SMYD2: variants seen among roughly 807,000 people sequenced by gnomAD.
SMYD2 encodes the protein N-lysine methyltransferase SMYD2.
Under a neutral mutation model 59.1 loss-of-function variants are expected in SMYD2, and 53 were observed. The observed-to-expected ratio is 0.90, with a 90% CI of 0.72 to 1.13. The LOEUF is 1.13. SMYD2 is among the 50% of genes most tolerant of loss of function. The pLI is 0.00. For synonymous variants in SMYD2, 208 were observed against 198.8 expected (o/e 1.05, Z -0.39); for missense variants, 494 against 544.7 (o/e 0.91, Z 0.93).
Position 214,306,739 on chromosome 1 carries a change from A to G in SMYD2, c.237+1489A>G, listed in dbSNP as rs548057603. Among the ~76,000 whole-genome samples, 10 of 152,348 alleles carry G rather than the reference A, an allele frequency of 6.6e-5. No homozygotes were observed. The South Asian group carries it at 2.1e-3, about 32-fold the overall frequency. On this transcript the variant is annotated intron_variant, in intron 2 of 11. Transcript: ENST00000366957. ...TTCTATATGTAAGTTAAACACTTCT[A>G]GAAAAATTAACTCATTCCGTTCTGT...
chr1:214,296,507 T>C (rs1260495437), intron 1 of SMYD2, among the ~76,000 whole-genome samples: 4 of 152,194 alleles, frequency 2.6e-5, no homozygotes, highest in Non-Finnish European at 5.9e-5. Context: ...TGAGTGAGAC[T>C]GTGCTGATGG....
rs1657054493 is a variant in SMYD2, at chr1:214,314,798, C to G, written c.274C>G (p.Pro92Ala). Residue 92 changes from proline to alanine, a missense_variant, in exon 3 of 12, where the codon CCC (proline) becomes GCC (alanine). By Grantham distance (27) the Pro-to-Ala change is conservative. Coordinates refer to ENST00000366957, the MANE Select transcript of SMYD2 (RefSeq NM_020197.3). ...GCCCATGCACAAGCTGGAATGTTCTCCCATGGTTGTTTTTGGGGAAAACTG... is the reference window on the plus strand; with the variant it reads ...GCCCATGCACAAGCTGGAATGTTCTGCCATGGTTGTTTTTGGGGAAAACTG... ...DWPMHKLECS[P>A]MVVFGENWNP... 6.2e-7 allele frequency: 1 copy of G among 1,614,148 alleles called. No individual in the cohort carries two copies. Among genetic ancestry groups the G allele is most frequent in the African/African-American group, 1.3e-5 (1 of 75,052 alleles).
intron 9 of SMYD2, chr1:214,331,517 T>G: frequency 5.5e-6 from 1 of 182,886 alleles, no homozygotes; most frequent in Non-Finnish European, 1.2e-5. Context: ...GGTGATAGGA[T>G]CTAGGATTTT....
chr1:214,332,016 AC>A lies in SMYD2; in HGVS notation c.941del. 6.2e-7 allele frequency: 1 copy of A among 1,611,434 alleles called. No homozygotes were observed. Among genetic ancestry groups the A allele is most frequent in the South Asian group, 1.1e-5 (1 of 90,720 alleles). On this transcript the variant is annotated splice_acceptor_variant, in intron 9 of 11. Coordinates refer to ENST00000366957, the MANE Select transcript of SMYD2 (RefSeq NM_020197.3). LOFTEE classifies it high-confidence loss of function. ...GTGGCCCTTTCCTTGACTCCACAGC[AC>A]CCCCTAGTGAGCTGCTGGAGATCTG...
intron 7 of SMYD2, among the ~76,000 whole-genome samples, chr1:214,328,765 CCCTTCTA>C (rs1377092023): frequency 6.6e-6 from 1 of 152,202 alleles, no homozygotes; most frequent in Non-Finnish European, 1.5e-5. Context: ...GGCAGGTTGG[CCCTTCTA>C]CCTTCAGCTA....
intron 11 of SMYD2, among the ~76,000 whole-genome samples, chr1:214,336,393 A>ATGGTGG (rs1657437963): frequency 2.6e-5 from 4 of 152,314 alleles, no homozygotes; most frequent in South Asian, 4.1e-4. Flanking sequence ...TTAGCCAGGC[A>ATGGTGG]TGGTGGTGGG....
intron 2 of SMYD2, among the ~76,000 whole-genome samples, chr1:214,310,907 TCTTC>T (rs1483834881): frequency 6.6e-6 from 1 of 152,198 alleles, no homozygotes; most frequent in African/African-American, 2.4e-5. Context: ...TACTATCACA[TCTTC>T]CTTTTTTAAG....
chr1:214,314,751 A>G lies in SMYD2; in HGVS notation c.238-11A>G, dbSNP rs764551390. 2.5e-6 allele frequency: 4 copies of G among 1,606,564 alleles called. No individual in the cohort carries two copies. The Admixed American group carries it at 6.7e-5, about 27-fold the overall frequency. ...GCTATTTTTTAATAATGTTTTTTTC[A>G]ATCTTCCCAGAAAGAAGATTGGCCC... On this transcript the variant is annotated splice_polypyrimidine_tract_variant and intron_variant, in intron 2 of 11. Transcript: ENST00000366957.
At chr1:214,308,586 T>C (rs537830340) in intron 2 of SMYD2, among the ~76,000 whole-genome samples, 1 of 152,036 alleles carries the variant, frequency 6.6e-6, no homozygotes, top group South Asian at 2.1e-4. Context: ...GGAAGGTAAT[T>C]GAGTGATTCT....
chr1:214,311,590 T>G (rs907664764), intron 2 of SMYD2, among the ~76,000 whole-genome samples: 6 of 152,348 alleles, frequency 3.9e-5, no homozygotes, highest in Middle Eastern at 3.4e-3. Flanking sequence ...AGCACTCTGC[T>G]TTCCTCCCAG....
At position 214,331,012 on chromosome 1, in the gene SMYD2, C is replaced by T; in HGVS notation, c.879C>T (p.Asp293=). Reference sequence around the variant, plus strand: ...CCCCAAAGGCAGAAGCCATCCGAGACATGGTCAGATATGCACGCAACGTCA... The same window carrying T: ...CCCCAAAGGCAGAAGCCATCCGAGATATGGTCAGATATGCACGCAACGTCA... ...SDPPKAEAIR[D]MVRYARNVIE... Residue 293 remains aspartate, a synonymous_variant, in exon 9 of 12, where the codon GAC becomes GAT. Transcript: ENST00000366957. 6.2e-7 allele frequency: 1 copy of T among 1,614,236 alleles called. No individual in the cohort carries two copies. The highest frequency in any genetic ancestry group is 8.5e-7 in the Non-Finnish European group (1 of 1,180,046).
At chr1:214,285,348 C>T (rs966745271) in intron 1 of SMYD2, among the ~76,000 whole-genome samples, 1 of 152,178 alleles carries the variant, frequency 6.6e-6, no homozygotes, top group African/African-American at 2.4e-5. Context: ...TGAACTAGCC[C>T]TGGTTCTGGC....
intron 1 of SMYD2, among the ~76,000 whole-genome samples, chr1:214,304,146 T>C (rs963804845): frequency 2.0e-5 from 3 of 151,954 alleles, no homozygotes; most frequent in Admixed American, 6.6e-5. Flanking sequence ...GCAGGAAAAA[T>C]AATATAACAA....
chr1:214,292,994 GCTTTAT>G (rs1421931906), intron 1 of SMYD2, among the ~76,000 whole-genome samples: 4 of 148,592 alleles, frequency 2.7e-5, no homozygotes, highest in Non-Finnish European at 5.9e-5. Context: ...TCTTTCCAAA[GCTTTAT>G]CTTTTTCTGT....
At chr1:214,293,013 G>T (rs1168165000) in intron 1 of SMYD2, among the ~76,000 whole-genome samples, 1 of 268 alleles carries the variant, frequency 3.7e-3, no homozygotes, top group Admixed American at 0.062. Flanking sequence ...TTTTCTGTTT[G>T]TGTGTGTGTG....
chr1:214,291,009 C>G (rs1399639206), intron 1 of SMYD2, among the ~76,000 whole-genome samples: 4 of 152,162 alleles, frequency 2.6e-5, no homozygotes, highest in African/African-American at 7.2e-5. Context: ...CAGTGATAGC[C>G]TCATATGCTC....
Position 214,315,193 on chromosome 1 carries a change from G to A in SMYD2, c.348+321G>A, listed in dbSNP as rs577531360. Among the ~76,000 whole-genome samples, 13 of 152,316 alleles carry A rather than the reference G, an allele frequency of 8.5e-5. 1 individual carries two copies. In the South Asian group the frequency reaches 2.7e-3, roughly 32 times the overall value. On this transcript the variant is annotated intron_variant, in intron 3 of 11. Transcript: ENST00000366957. ...CCTCAAATAATTAGAGCTTCCTAGG[G>A]AACCAGATTGGTCTGAGCAGCTTTG...
At chr1:214,330,849 G>T (rs1657340511) in intron 8 of SMYD2, 101 bp from the exon 9 acceptor site, 3 of 1,556,492 alleles carry the variant, frequency 1.9e-6, no homozygotes, top group Non-Finnish European at 2.6e-6. Flanking sequence ...GAATGGGCCA[G>T]TGTCGACCGC....
intron 10 of SMYD2, 44 bp downstream of exon 10, chr1:214,332,236 G>C: frequency 6.2e-7 from 1 of 1,603,840 alleles, no homozygotes. Context: ...GTGGAATTTG[G>C]TTGTTTAGAA....
Sources: gnomAD v4.1 joint callset for allele counts (sites outside exome capture counted in the v4.1 genomes callset) on GRCh38, gnomAD v4.1.1 for gene constraint, MANE v1.5 for transcripts, NCBI Gene and HGNC (gene_info 2026-07-23, HGNC 2026-07-21) for gene names.